The following APOOL variants were observed in gnomAD, a reference collection of about 807,000 sequenced individuals.
APOOL encodes MICOS complex subunit MIC27.
APOOL carries 12 observed loss-of-function variants against 23.1 expected under a neutral mutation model. That is an observed-to-expected ratio of 0.52 (90% CI 0.33 to 0.84). The LOEUF (loss-of-function observed/expected upper bound fraction) is 0.84. APOOL is among the 40% of genes least tolerant of loss of function. The pLI is 0.02. For missense variants in APOOL, 212 were observed against 199.6 expected (o/e 1.06, Z -0.37); for synonymous variants, 77 against 69.9 (o/e 1.10, Z -0.51).
chrX:85,021,917 A>G (rs1006604785), intron 1 of APOOL, among the ~76,000 whole-genome samples: 1 of 112,246 alleles, frequency 8.9e-6, no homozygotes, highest in Non-Finnish European at 1.9e-5. Context: ...GACATTACGA[A>G]TGATACCACA....
At chrX:85,057,528 G>A (rs1237743407) in intron 5 of APOOL, among the ~76,000 whole-genome samples, 1 of 104,770 alleles carries the variant, frequency 9.5e-6, no homozygotes, top group Non-Finnish European at 1.9e-5. Context: ...ATATATATGA[G>A]AGGATGCTAG....
intron 8 of APOOL, among the ~76,000 whole-genome samples, chrX:85,079,876 G>A (rs369961334): frequency 3.5e-4 from 39 of 111,619 alleles, no homozygotes; most frequent in Middle Eastern, 9.3e-3. Context: ...GTTTATTTGC[G>A]TAGAGGTGTT....
At chrX:85,069,610 TAAAAAAAAAAA>T (rs774325087) in intron 6 of APOOL, among the ~76,000 whole-genome samples, 2 of 40,975 alleles carry the variant, frequency 4.9e-5, no homozygotes, top group East Asian at 8.4e-4. Flanking sequence ...ACGCCATCTC[TAAAAAAAAAAA>T]AAAAAAAAAA....
chrX:85,080,637 G>A (rs1370171469), intron 8 of APOOL, among the ~76,000 whole-genome samples: 1 of 111,344 alleles, frequency 9.0e-6, no homozygotes, highest in Non-Finnish European at 1.9e-5. Flanking sequence ...TTCAAGTCCT[G>A]GATATCCTTG....
At chrX:85,087,333 G>A (rs1364984928) in intron 8 of APOOL, among the ~76,000 whole-genome samples, 1 of 110,878 alleles carries the variant, frequency 9.0e-6, no homozygotes, top group Non-Finnish European at 1.9e-5. Flanking sequence ...CACCTTTCCA[G>A]AAGGCTTTCC....
chrX:85,042,840 A>G (rs1922445411), intron 1 of APOOL, among the ~76,000 whole-genome samples: 1 of 112,055 alleles, frequency 8.9e-6, no homozygotes, highest in African/African-American at 3.2e-5. Context: ...AAATCATAAT[A>G]ATCATTTCAA....
chrX:85,083,090 A>T (rs951212629), intron 8 of APOOL, among the ~76,000 whole-genome samples: 1 of 110,687 alleles, frequency 9.0e-6, no homozygotes, highest in Non-Finnish European at 1.9e-5. Context: ...TTGAGATGAT[A>T]AGTGTTTCAC....
intron 2 of APOOL, 89 bp from the exon 3 acceptor site, chrX:85,051,300 A>G (rs1438290233): frequency 3.0e-6 from 3 of 1,005,297 alleles, no homozygotes; most frequent in Non-Finnish European, 4.1e-6. Context: ...TTTAGAAAGA[A>G]GGCTGATGAG....
At chrX:85,032,384 C>T (rs1051766118) in intron 1 of APOOL, among the ~76,000 whole-genome samples, 2 of 111,089 alleles carry the variant, frequency 1.8e-5, no homozygotes, top group Non-Finnish European at 3.8e-5. Context: ...CGTGGTGGCA[C>T]ATGCCTGTAA....
chrX:85,077,718 C>T (rs1278286882), intron 8 of APOOL, among the ~76,000 whole-genome samples: 1 of 111,721 alleles, frequency 9.0e-6, no homozygotes, highest in Non-Finnish European at 1.9e-5. Flanking sequence ...ATTTACACTC[C>T]CACCAACAGT....
intron 5 of APOOL, among the ~76,000 whole-genome samples, chrX:85,065,755 A>T (rs1357133290): frequency 1.8e-5 from 2 of 111,119 alleles, no homozygotes; most frequent in African/African-American, 6.5e-5. Flanking sequence ...GAGCAGCACA[A>T]TTAGGGGAAT....
At chrX:85,058,629 A>C (rs1040616106) in intron 5 of APOOL, among the ~76,000 whole-genome samples, 1 of 111,588 alleles carries the variant, frequency 9.0e-6, no homozygotes, top group Non-Finnish European at 1.9e-5. Context: ...TTCCGGTTCT[A>C]AATCTTTGAG....
At chrX:85,076,995 T>TATATATATATATATATATATA (rs1923858669) in intron 8 of APOOL, among the ~76,000 whole-genome samples, 1 of 82,525 alleles carries the variant, frequency 1.2e-5, no homozygotes, top group African/African-American at 5.2e-5. Flanking sequence ...TTTGCTAAAC[T>TATATATATATATATATATATA]TATATATATA....
chrX:85,065,681 G>T (rs781225908), intron 5 of APOOL, among the ~76,000 whole-genome samples: 24 of 111,037 alleles, frequency 2.2e-4, no homozygotes, highest in African/African-American at 7.5e-4. Flanking sequence ...AAGAGAGGAT[G>T]ACTATAAGTC....
chrX:85,047,795 T>C (rs192359136), intron 2 of APOOL, among the ~76,000 whole-genome samples: 21 of 111,634 alleles, frequency 1.9e-4, no homozygotes, highest in African/African-American at 5.8e-4. Flanking sequence ...AAGTCAACCT[T>C]AAGATTTATC....
At chrX:85,084,837 TAGTC>T (rs943539659) in intron 8 of APOOL, among the ~76,000 whole-genome samples, 2 of 111,837 alleles carry the variant, frequency 1.8e-5, no homozygotes, top group Non-Finnish European at 3.8e-5. Context: ...CTAGAGAACT[TAGTC>T]AGTTGATGGA....
chrX:85,048,287 TTTTTA>T (rs957099673), intron 2 of APOOL, among the ~76,000 whole-genome samples: 2 of 109,132 alleles, frequency 1.8e-5, no homozygotes, highest in Non-Finnish European at 3.8e-5. Context: ...TCTAAGTATT[TTTTTA>T]TTTTTTCTGT....
chrX:85,052,570 T>C (rs1426468576), intron 3 of APOOL, among the ~76,000 whole-genome samples: 2 of 112,135 alleles, frequency 1.8e-5, no homozygotes, highest in South Asian at 3.7e-4. Flanking sequence ...AATGAACTTA[T>C]GAAAAATAAT....
intron 6 of APOOL, among the ~76,000 whole-genome samples, chrX:85,070,387 G>A (rs988994093): frequency 1.8e-5 from 2 of 111,149 alleles, no homozygotes; most frequent in South Asian, 3.8e-4. Context: ...ATTACTCTTC[G>A]CTTTTTATAA....
Sources: gnomAD v4.1 joint callset for allele counts (sites outside exome capture counted in the v4.1 genomes callset) on GRCh38, gnomAD v4.1.1 for gene constraint, MANE v1.5 for transcripts, NCBI Gene and HGNC (gene_info 2026-07-23, HGNC 2026-07-21) for gene names.